NYNRIN: variants seen among roughly 807,000 people sequenced by gnomAD.
NYNRIN encodes the protein protein NYNRIN.
In NYNRIN, 86 loss-of-function variants were observed where a neutral mutation model predicts 146.6. The ratio of observed to expected loss-of-function variants is 0.59; its 90% CI spans 0.49 to 0.70. The LOEUF (loss-of-function observed/expected upper bound fraction) is 0.70, where lower values mean the gene tolerates loss of function less well. NYNRIN is among the 30% of genes least tolerant of loss of function. NYNRIN has a pLI of 0.00. For synonymous variants in NYNRIN, 1,027 were observed against 1,001.3 expected (o/e 1.03, Z -0.48); for missense variants, 2,191 against 2,377.7 (o/e 0.92, Z 1.63).
Position 24,407,865 on chromosome 14 carries a change from C to G in NYNRIN, c.199-4C>G. Reference sequence around the variant, plus strand: ...CTTCATTGTGTTCTCCCCATTGTGCCCAGGAATACCTGAAGGGCCTGTGCA... The same window carrying G: ...CTTCATTGTGTTCTCCCCATTGTGCGCAGGAATACCTGAAGGGCCTGTGCA... On this transcript the variant is annotated splice_polypyrimidine_tract_variant and splice_region_variant and intron_variant, in intron 2 of 8. Transcript: ENST00000382554. The G allele has an allele frequency of 1.3e-6, 2 of 1,595,458 alleles. No individual in the cohort carries two copies. The highest frequency in any genetic ancestry group is 1.7e-6 in the Non-Finnish European group (2 of 1,169,678).
In NYNRIN at chr14:24,403,071, G is replaced by C. The variant is rs190886364; in HGVS notation, c.198+3627G>C. ...AGGATTGAGCTCCCTTTCACGGCCA[G>C]CCCCTCTTCTCAAGATAGTTCTGTT... On this transcript the variant is annotated intron_variant, in intron 2 of 8. Coordinates refer to ENST00000382554, the MANE Select transcript of NYNRIN (RefSeq NM_025081.3). 1.1e-3 allele frequency among the ~76,000 whole-genome samples: 168 copies of C among 152,328 alleles called. 1 individual carries two copies. In the Middle Eastern group the frequency reaches 0.031, roughly 28 times the overall value.
At chr14:24,403,543 G>A (rs748094285) in intron 2 of NYNRIN, among the ~76,000 whole-genome samples, 9 of 152,234 alleles carry the variant, frequency 5.9e-5, no homozygotes, top group Non-Finnish European at 1.3e-4. Context: ...TGGTGCAGCA[G>A]CAAAGTGTAT....
At position 24,417,812 on chromosome 14, in the gene NYNRIN, A is replaced by G; in HGVS notation, c.*366A>G. The stretch of plus-strand genomic sequence containing the variant: ...TGCACACACACTCACGAAAGAATCT[A>G]TCTTGGCCATGAAACTGTGGCTGTT... On this transcript the variant is annotated 3_prime_UTR_variant, in exon 9 of 9. Coordinates refer to ENST00000382554, the MANE Select transcript of NYNRIN (RefSeq NM_025081.3). 4.5e-6 allele frequency: 1 copy of G among 220,262 alleles called. No individual in the cohort carries two copies. The highest frequency in any genetic ancestry group is 5.1e-5 in the Admixed American group (1 of 19,432). The allele number at this position is 220,262 out of a possible 1,614,324, so 13.6% of individuals were successfully genotyped here.
chr14:24,406,094 G>A lies in NYNRIN; in HGVS notation c.199-1775G>A, dbSNP rs371468917. Reference sequence around the variant, plus strand: ...GGAGAATTTCTTGAACCTAGGAGGCGGAGGCTGCCGTGAGCTGAGATCACT... The same window carrying A: ...GGAGAATTTCTTGAACCTAGGAGGCAGAGGCTGCCGTGAGCTGAGATCACT... On this transcript the variant is annotated intron_variant, in intron 2 of 8. Coordinates refer to ENST00000382554, the MANE Select transcript of NYNRIN (RefSeq NM_025081.3). 2.5e-4 allele frequency among the ~76,000 whole-genome samples: 38 copies of A among 151,956 alleles called. No homozygotes were observed. The South Asian group carries it at 4.4e-3, about 17-fold the overall frequency.
rs1459542080 is a variant in NYNRIN at position 24,408,726 on chromosome 14, A to T, written c.932A>T (p.Asp311Val). ...ACAGTGCAAGCCACCAGCAGCCAGG[A>T]CTCCACGAACCACACACAAGCCTTG... The part of the protein sequence containing the change: ...EGTVQATSSQ[D>V]STNHTQALLK... The change falls in exon 4 of 9, where the codon GAC becomes GTC. Residue 311 changes from aspartate (D) to valine (V), a missense_variant. Transcript: ENST00000382554. The T allele has an allele frequency of 1.9e-6, 3 of 1,613,758 alleles. No homozygotes were observed. Among genetic ancestry groups the T allele is most frequent in the Non-Finnish European group, 2.5e-6 (3 of 1,179,850 alleles).
chr14:24,413,364 C>A lies in NYNRIN; in HGVS notation c.2793C>A (p.Asp931Glu), dbSNP rs763387579. 3 of 1,613,418 alleles carry A rather than the reference C, an allele frequency of 1.9e-6. No homozygotes were observed. In the African/African-American group the frequency reaches 4.0e-5, roughly 22 times the overall value. The change falls in exon 8 of 9, where the codon GAC (aspartate) becomes GAA (glutamate). Residue 931 changes from aspartate (D) to glutamate (E), a missense_variant. Asp to Glu is a conservative substitution (Grantham distance 45). Coordinates refer to ENST00000382554, the MANE Select transcript of NYNRIN (RefSeq NM_025081.3). ...FAGNLFMVPD[D>E]PLGRDGPTLD... Reference sequence around the variant, plus strand: ...GGAATCTCTTCATGGTGCCTGATGACCCCCTGGGCCGTGATGGCCCCACCT... The same window carrying A: ...GGAATCTCTTCATGGTGCCTGATGAACCCCTGGGCCGTGATGGCCCCACCT...
chr14:24,415,056 T>C lies in NYNRIN; in HGVS notation c.3307T>C (p.Ser1103Pro). 1 of 1,612,738 alleles carries C rather than the reference T, an allele frequency of 6.2e-7. No individual in the cohort carries two copies. The highest frequency in any genetic ancestry group is 8.5e-7 in the Non-Finnish European group (1 of 1,179,408). Residue 1103 changes from serine (S) to proline (P), a missense_variant, in exon 9 of 9, where the codon TCC becomes CCC. This residue lies in a region of NYNRIN where 1,291 missense variants were observed against 1,417.0 expected (regional missense o/e 0.91). Transcript: ENST00000382554. ...CTCCTTCTTCATGGGCTTCATGGAC[T>C]CCCACAGGGATGCCATCCCTGACTA... ...ALSFFMGFMD[S>P]HRDAIPDYEA...
chr14:24,399,147 G>A (rs1404570758), intron 1 of NYNRIN, 61 bp downstream of exon 1: 1 of 1,104,208 alleles, frequency 9.1e-7, no homozygotes, highest in African/African-American at 1.6e-5. Flanking sequence ...GGAGGAGGGG[G>A]CGTGGCTTAG....
Position 24,415,197 on chromosome 14 carries a change from T to G in NYNRIN, c.3448T>G (p.Cys1150Gly). ...GAAGCGAGCCCTGGTGTCTGCCCTC[T>G]GCCTGATGGCCCCCAACTCCCAGCT... ...ALKRALVSAL[C>G]LMAPNSQLPF... The change falls in exon 9 of 9, where the codon TGC becomes GGC. Residue 1150 changes from cysteine to glycine, a missense_variant. This residue lies in a region of NYNRIN where 1,291 missense variants were observed against 1,417.0 expected (regional missense o/e 0.91). Transcript: ENST00000382554. 1 of 1,610,630 alleles carries G rather than the reference T, an allele frequency of 6.2e-7. No homozygotes were observed. Among genetic ancestry groups the G allele is most frequent in the Non-Finnish European group, 8.5e-7 (1 of 1,179,788 alleles).
At position 24,415,159 on chromosome 14, in the gene NYNRIN, C is replaced by T; in HGVS notation, c.3410C>T (p.Ala1137Val). 6.2e-7 allele frequency: 1 copy of T among 1,606,104 alleles called. No homozygotes were observed. Among genetic ancestry groups the T allele is most frequent in the Non-Finnish European group, 8.5e-7 (1 of 1,178,902 alleles). Residue 1137 changes from alanine (A) to valine (V), a missense_variant, in exon 9 of 9, where the codon GCC becomes GTC. Around this residue, in one of 3 missense-constraint regions of NYNRIN, gnomAD observed 1,291 missense variants for 1,417.0 expected, o/e 0.91. Transcript: ENST00000382554. Reference protein sequence around the residue: ...DWQWDQEHEEAFLALKRALVS... With the variant: ...DWQWDQEHEEVFLALKRALVS... Reference sequence around the variant, plus strand: ...CAGTGGGACCAGGAGCATGAGGAGGCCTTCCTGGCCCTGAAGCGAGCCCTG... The same window carrying T: ...CAGTGGGACCAGGAGCATGAGGAGGTCTTCCTGGCCCTGAAGCGAGCCCTG...
intron 2 of NYNRIN, among the ~76,000 whole-genome samples, chr14:24,400,253 C>T (rs2042832811): frequency 6.6e-6 from 1 of 152,228 alleles, no homozygotes; most frequent in Non-Finnish European, 1.5e-5. Context: ...GGCCAGATCA[C>T]AGTGCGCCTC....
Position 24,415,183 on chromosome 14 carries a change from T to A in NYNRIN, c.3434T>A (p.Leu1145Gln). 6.2e-7 allele frequency: 1 copy of A among 1,609,202 alleles called. No homozygotes were observed. Among genetic ancestry groups the A allele is most frequent in the Non-Finnish European group, 8.5e-7 (1 of 1,179,622 alleles). The change falls in exon 9 of 9, where the codon CTG becomes CAG. Residue 1145 changes from leucine to glutamine, a missense_variant. Coordinates refer to ENST00000382554, the MANE Select transcript of NYNRIN (RefSeq NM_025081.3). ...GCCTTCCTGGCCCTGAAGCGAGCCC[T>A]GGTGTCTGCCCTCTGCCTGATGGCC... ...EEAFLALKRA[L>Q]VSALCLMAPN...
chr14:24,409,759 A>G lies in NYNRIN; in HGVS notation c.1965A>G (p.Lys655=). The stretch of plus-strand genomic sequence containing the variant: ...CCGGGCCTGCAGCTACAGTTTCCAA[A>G]GCACCTGCAGCTTCCAAAGCACCTG... ...AQAGPAATVS[K]APAASKAPAA... is the part of the protein sequence containing the mutation. Residue 655 remains lysine (K), a synonymous_variant, in exon 4 of 9, where the codon AAA becomes AAG. Transcript: ENST00000382554. 6.2e-7 allele frequency: 1 copy of G among 1,611,140 alleles called. No individual in the cohort carries two copies. Among genetic ancestry groups the G allele is most frequent in the Non-Finnish European group, 8.5e-7 (1 of 1,178,634 alleles).
rs767504858 is a variant in NYNRIN at position 24,411,601 on chromosome 14, C to G, written c.2642+151C>G. Among the ~76,000 whole-genome samples the G allele has an allele frequency of 6.6e-6, 1 of 152,136 alleles. No individual in the cohort carries two copies. Among genetic ancestry groups the G allele is most frequent in the African/African-American group, 2.4e-5 (1 of 41,406 alleles). On this transcript the variant is annotated intron_variant, in intron 6 of 8. Coordinates refer to ENST00000382554, the MANE Select transcript of NYNRIN (RefSeq NM_025081.3). This position sits in a 1 kb window ranked among gnomAD's most constrained non-coding sequence, Gnocchi z 4.3. ...AGAGGGTGGGGTGGAGCACGGGCATCTGTCAGCAGAGGGATGGGCACATTG... is the reference window on the plus strand; with the variant it reads ...AGAGGGTGGGGTGGAGCACGGGCATGTGTCAGCAGAGGGATGGGCACATTG...
rs758449555 is a variant in NYNRIN at position 24,414,587 on chromosome 14, T to C, written c.2847-9T>C. ...GCTGCCCTTCCCTCTTCCATCTGTT[T>C]TGGTGTAGGTTGGACACTGACATTG... On this transcript the variant is annotated splice_polypyrimidine_tract_variant and intron_variant, in intron 8 of 8. Coordinates refer to ENST00000382554, the MANE Select transcript of NYNRIN (RefSeq NM_025081.3). The C allele has an allele frequency of 1.9e-6, 3 of 1,598,062 alleles. No individual in the cohort carries two copies. The highest frequency in any genetic ancestry group is 1.3e-5 in the African/African-American group (1 of 74,502).
At chr14:24,410,615 G>C (rs2042906537) in intron 4 of NYNRIN, among the ~76,000 whole-genome samples, 1 of 152,238 alleles carries the variant, frequency 6.6e-6, no homozygotes, top group South Asian at 2.1e-4. Context: ...TCCTGACTCT[G>C]CTGGCCCTTA....
At position 24,409,673 on chromosome 14, in the gene NYNRIN, G is replaced by C; in HGVS notation, c.1879G>C (p.Ala627Pro). 6.2e-7 allele frequency: 1 copy of C among 1,607,052 alleles called. No individual in the cohort carries two copies. Reference protein sequence around the residue: ...VEPTTPKTPQAQKMPVAKTSP... With the variant: ...VEPTTPKTPQPQKMPVAKTSP... ...ACCCACAACTCCAAAAACTCCCCAG[G>C]CTCAGAAGATGCCTGTAGCAAAAAC... The change falls in exon 4 of 9, where the codon GCT (alanine) becomes CCT (proline). Residue 627 changes from alanine to proline, a missense_variant. Ala to Pro is a conservative substitution (Grantham distance 27). Around this residue, in one of 3 missense-constraint regions of NYNRIN, gnomAD observed 895 missense variants for 941.2 expected, o/e 0.95. Transcript: ENST00000382554.
rs764692390 is a variant in NYNRIN, at chr14:24,416,520, C to A, written c.4771C>A (p.Pro1591Thr). 1 of 1,613,834 alleles carries A rather than the reference C, an allele frequency of 6.2e-7. No individual in the cohort carries two copies. Among genetic ancestry groups the A allele is most frequent in the Admixed American group, 1.7e-5 (1 of 60,024 alleles). The change falls in exon 9 of 9, where the codon CCC becomes ACC. Residue 1591 changes from proline to threonine, a missense_variant. Physicochemically the swap from Pro to Thr is conservative, Grantham distance 38 (BLOSUM62 -1). Coordinates refer to ENST00000382554, the MANE Select transcript of NYNRIN (RefSeq NM_025081.3). ...DYCRSCLFCI[P>T]RNLIGSELKV... Reference sequence around the variant, plus strand: ...CTGCAGGAGCTGCTTGTTCTGCATCCCCCGAAATCTCATAGGCAGCGAGTT... The same window carrying A: ...CTGCAGGAGCTGCTTGTTCTGCATCACCCGAAATCTCATAGGCAGCGAGTT...
At position 24,415,169 on chromosome 14, in the gene NYNRIN, C is replaced by G; in HGVS notation, c.3420C>G (p.Ala1140=). 6.2e-7 allele frequency: 1 copy of G among 1,607,484 alleles called. No homozygotes were observed. Among genetic ancestry groups the G allele is most frequent in the Non-Finnish European group, 8.5e-7 (1 of 1,179,362 alleles). ...WDQEHEEAFL[A]LKRALVSALC... is the part of the protein sequence containing the mutation. ...AGGAGCATGAGGAGGCCTTCCTGGC[C>G]CTGAAGCGAGCCCTGGTGTCTGCCC... Residue 1140 remains alanine (A), a synonymous_variant, in exon 9 of 9, where the codon GCC becomes GCG. Coordinates refer to ENST00000382554, the MANE Select transcript of NYNRIN (RefSeq NM_025081.3).
Sources: gnomAD v4.1 joint callset for allele counts (sites outside exome capture counted in the v4.1 genomes callset) on GRCh38, gnomAD v4.1.1 for gene constraint, gnomAD v4.1.1 regional missense constraint, Gnocchi (gnomAD v3.1) non-coding constraint, MANE v1.5 for transcripts, NCBI Gene and HGNC (gene_info 2026-07-23, HGNC 2026-07-21) for gene names.